PPP2CA: variants seen among roughly 807,000 people sequenced by gnomAD.
PPP2CA encodes serine/threonine-protein phosphatase 2A catalytic subunit alpha isoform.
In PPP2CA, 5 loss-of-function variants were observed where a neutral mutation model predicts 38.8. The ratio of observed to expected loss-of-function variants is 0.13; its 90% confidence interval spans 0.07 to 0.27. The LOEUF (loss-of-function observed/expected upper bound fraction) is 0.27. Among genes scored for constraint, PPP2CA ranks in the 10% least tolerant of loss-of-function variants. PPP2CA has a pLI of 1.00. For synonymous variants in PPP2CA, 152 were observed against 134.0 expected, an observed-to-expected ratio of 1.13 and a Z score of -0.93; for missense variants, 88 against 389.7, an observed-to-expected ratio of 0.23 and a Z score of 6.52.
intron 1 of PPP2CA, among the ~76,000 whole-genome samples, chr5:134,207,064 G>A (rs552062609): frequency 2.1e-4 from 32 of 152,190 alleles, no homozygotes; most frequent in Non-Finnish European, 1.6e-4. Flanking sequence ...AGATGACAAG[G>A]ACTGGGTTCA....
chr5:134,223,641 A>G (rs549445571), intron 1 of PPP2CA, among the ~76,000 whole-genome samples: 1 of 152,334 alleles, frequency 6.6e-6, no homozygotes, highest in African/African-American at 2.4e-5. Flanking sequence ...AAAGATGTGG[A>G]AAGCAATATT....
Position 134,201,920 on chromosome 5 carries a change from T to C in PPP2CA, c.414A>G (p.Gly138=), listed in dbSNP as rs376291590. 3.2e-5 allele frequency: 52 copies of C among 1,613,930 alleles called. No homozygotes were observed. The highest frequency in any genetic ancestry group is 4.2e-5 in the Non-Finnish European group (50 of 1,179,970). ...TAAAATATTTCCAAACATTTGCATT[T>C]CCATATTTTCTTAAACATTCATCAT... is the stretch of plus-strand genomic sequence containing the variant. The part of the protein sequence containing the change: ...GFYDECLRKY[G]NANVWKYFTD... The change falls in exon 3 of 7, where the codon GGA becomes GGG. Residue 138 remains glycine, a synonymous_variant. Coordinates refer to ENST00000481195, the MANE Select transcript of PPP2CA (RefSeq NM_002715.4).
chr5:134,202,134 C>T, intron 2 of PPP2CA, 113 bp from the exon 3 acceptor site: 1 of 1,051,528 alleles, frequency 9.5e-7, no homozygotes, highest in South Asian at 1.8e-5. Context: ...AAAAACAGCA[C>T]ACATCCTCAT....
chr5:134,218,669 C>CTTTTTTTTTTT (rs11400515), intron 1 of PPP2CA, among the ~76,000 whole-genome samples: 1 of 144,456 alleles, frequency 6.9e-6, no homozygotes, highest in Non-Finnish European at 1.5e-5. Flanking sequence ...TTGTTTCTTT[C>CTTTTTTTTTTT]TTTTTTTTTT....
intron 1 of PPP2CA, chr5:134,224,175 T>A (rs756283400): frequency 2.5e-6 from 1 of 402,476 alleles, no homozygotes; most frequent in Non-Finnish European, 4.8e-6. Flanking sequence ...AAGATCATCA[T>A]GTACAGTACC....
intron 2 of PPP2CA, among the ~76,000 whole-genome samples, chr5:134,205,351 A>G (rs949692129): frequency 6.6e-6 from 1 of 151,518 alleles, no homozygotes; most frequent in African/African-American, 2.4e-5. Context: ...CTGAACTAAA[A>G]TATCTATTTG....
rs1761876609 is a variant in PPP2CA, at chr5:134,197,361, T to C, written c.*411A>G. ...AGGCCTTGGTAATTATTTTTAAAAA[T>C]GTTCATTAAGCTCCAATGATTGTTT... is the stretch of plus-strand genomic sequence containing the variant. On this transcript the variant is annotated 3_prime_UTR_variant, in exon 7 of 7. Transcript: ENST00000481195. The C allele has an allele frequency of 6.3e-6, 1 of 157,880 alleles. No homozygotes were observed. Among genetic ancestry groups the C allele is most frequent in the South Asian group, 2.0e-4 (1 of 5,028 alleles). The allele number at this position is 157,880 out of a possible 1,614,324, so 9.8% of individuals were successfully genotyped here.
rs186868980 is a variant in PPP2CA at position 134,214,906 on chromosome 5, T to C, written c.103-8775A>G. On this transcript the variant is annotated intron_variant, in intron 1 of 6. Coordinates refer to ENST00000481195, the MANE Select transcript of PPP2CA (RefSeq NM_002715.4). Reference sequence around the variant, plus strand: ...GTTTTTCATTTTAAAATCTATACTTTAATCCTAAGATTACACGACAACTAC... The same window carrying C: ...GTTTTTCATTTTAAAATCTATACTTCAATCCTAAGATTACACGACAACTAC... Among the ~76,000 whole-genome samples the C allele has an allele frequency of 1.2e-4, 18 of 152,248 alleles. No homozygotes were observed. The East Asian group carries it at 2.3e-3, about 20-fold the overall frequency.
intron 1 of PPP2CA, among the ~76,000 whole-genome samples, chr5:134,225,199 C>G (rs1762541173): frequency 6.6e-6 from 1 of 152,218 alleles, no homozygotes; most frequent in African/African-American, 2.4e-5. Flanking sequence ...TTCTTAAAGA[C>G]ACCCCTTACC....
At chr5:134,225,697 GGCC>G in intron 1 of PPP2CA, 60 bp downstream of exon 1, 1 of 1,507,926 alleles carries the variant, frequency 6.6e-7, no homozygotes. Context: ...CCCTCCTCAC[GGCC>G]GCCTTTTCCT....
intron 3 of PPP2CA, 75 bp downstream of exon 3, chr5:134,201,769 GGAAA>G (rs1761971460): frequency 1.4e-6 from 2 of 1,442,148 alleles, no homozygotes; most frequent in African/African-American, 2.9e-5. Flanking sequence ...TGTTAAGAGT[GGAAA>G]GAGTCATAAG....
chr5:134,220,323 G>T (rs1451800358), intron 1 of PPP2CA, among the ~76,000 whole-genome samples: 1 of 151,606 alleles, frequency 6.6e-6, no homozygotes, highest in Non-Finnish European at 1.5e-5. Flanking sequence ...GCTGGGTGTG[G>T]TGGCACACAC....
chr5:134,221,377 T>C (rs1762438702), intron 1 of PPP2CA, among the ~76,000 whole-genome samples: 1 of 152,194 alleles, frequency 6.6e-6, no homozygotes, highest in Admixed American at 6.5e-5. Context: ...CCTTCCAAAG[T>C]GCTAGGATTA....
At chr5:134,205,681 C>G in intron 2 of PPP2CA, 1 of 427,526 alleles carries the variant, frequency 2.3e-6, no homozygotes, top group South Asian at 2.3e-5. Context: ...TCACGCCCAG[C>G]CTATTTTTTC....
chr5:134,215,525 A>G (rs1762298536), intron 1 of PPP2CA, among the ~76,000 whole-genome samples: 1 of 152,206 alleles, frequency 6.6e-6, no homozygotes, highest in African/African-American at 2.4e-5. Context: ...CAGTGAGCCA[A>G]GATCATGCCA....
At chr5:134,211,327 A>G (rs1322981395) in intron 1 of PPP2CA, among the ~76,000 whole-genome samples, 1 of 152,154 alleles carries the variant, frequency 6.6e-6, no homozygotes, top group East Asian at 1.9e-4. Flanking sequence ...CCAACCCACT[A>G]TAAAATAATC....
At chr5:134,214,146 G>T (rs1487079193) in intron 1 of PPP2CA, among the ~76,000 whole-genome samples, 1 of 151,798 alleles carries the variant, frequency 6.6e-6, no homozygotes, top group Non-Finnish European at 1.5e-5. Context: ...ACAAAAAAAG[G>T]CTAAAAAAAA....
intron 2 of PPP2CA, among the ~76,000 whole-genome samples, chr5:134,203,952 T>C (rs1762022824): frequency 6.6e-6 from 1 of 152,198 alleles, no homozygotes; most frequent in African/African-American, 2.4e-5. Context: ...AGGTAGCACA[T>C]TCATTCCTCT....
intron 1 of PPP2CA, among the ~76,000 whole-genome samples, chr5:134,220,006 G>A (rs1377735950): frequency 1.8e-5 from 1 of 55,196 alleles, no homozygotes; most frequent in Non-Finnish European, 3.4e-5. Flanking sequence ...GCGAGGCTCC[G>A]TATCAAAAAA....
Sources: allele counts gnomAD v4.1 joint callset (sites outside exome capture counted in the v4.1 genomes callset), GRCh38; gene constraint gnomAD v4.1.1; transcripts MANE v1.5; gene names NCBI Gene and HGNC (gene_info 2026-07-23, HGNC 2026-07-21).